The following CDH19 variants were observed in gnomAD, a reference collection of about 807,000 sequenced individuals.
CDH19 encodes the protein cadherin 19.
Under a neutral mutation model 64.2 loss-of-function variants are expected in CDH19, and 67 were observed. That is an observed-to-expected ratio of 1.04 (90% CI 0.86 to 1.28). The LOEUF is 1.28. Among genes scored for constraint, CDH19 ranks in the 50% most tolerant of loss-of-function variants. CDH19 has a pLI of 0.00. For synonymous variants in CDH19, 346 were observed against 319.3 expected (o/e 1.08, Z -0.89); for missense variants, 1,030 against 929.0 (o/e 1.11, Z -1.41).
intron 4 of CDH19, among the ~76,000 whole-genome samples, chr18:66,552,252 AT>A (rs1987370589): frequency 6.6e-6 from 1 of 152,094 alleles, no homozygotes; most frequent in African/African-American, 2.4e-5. Context: ...TGTGAAAAAA[AT>A]GACATATGAG....
At chr18:66,509,279 A>C (rs756183591) in intron 10 of CDH19, 33 bp from the exon 11 acceptor site, 1 of 1,599,244 alleles carries the variant, frequency 6.3e-7, no homozygotes, top group Non-Finnish European at 8.5e-7. Context: ...TAATTTTTTC[A>C]ACTACGTAAG....
chr18:66,561,868 A>G, intron 3 of CDH19, among the ~76,000 whole-genome samples: 1 of 152,100 alleles, frequency 6.6e-6, no homozygotes. Flanking sequence ...TGGACAGTTG[A>G]CATTGTTTGC....
intron 2 of CDH19, among the ~76,000 whole-genome samples, chr18:66,570,412 T>C (rs1195839100): frequency 1.3e-5 from 2 of 151,708 alleles, no homozygotes; most frequent in African/African-American, 4.8e-5. Flanking sequence ...TGTAGTATTA[T>C]ACAATTTTCT....
chr18:66,522,261 A>C lies in CDH19; in HGVS notation c.1458+7584T>G, dbSNP rs558637032. On this transcript the variant is annotated intron_variant, in intron 9 of 11. Transcript: ENST00000262150. The stretch of plus-strand genomic sequence containing the variant: ...CCCAGCCCGGCGTAGTTTTGTTTTG[A>C]GACAGAGTTTCACTCTTGTTACCCA... 2.7e-5 allele frequency among the ~76,000 whole-genome samples: 4 copies of C among 148,022 alleles called. No homozygotes were observed. The South Asian group carries it at 8.6e-4, about 32-fold the overall frequency.
chr18:66,600,559 C>T (rs80165683), intron 1 of CDH19, among the ~76,000 whole-genome samples: 5,791 of 151,842 alleles, frequency 0.038, 380 homozygotes, highest in African/African-American at 0.13. Flanking sequence ...ATGACAACAT[C>T]GCTTTGTATC....
At chr18:66,588,605 C>CATATATATATATAAATATAT (rs1263242803) in intron 1 of CDH19, among the ~76,000 whole-genome samples, 21 of 116,816 alleles carry the variant, frequency 1.8e-4, no homozygotes, top group Non-Finnish European at 3.1e-4. Context: ...TTTTACTAAT[C>CATATATATATATAAATATAT]ATATATATCT....
rs1408785074 is a variant in CDH19 at position 66,505,211 on chromosome 18, T to C, written c.1920A>G (p.Gln640=). ...CTTCTCCACCCCCTTCATCATCATA[T>C]TGGAATATATTCTCTCTGAAATCTT... is the stretch of plus-strand genomic sequence containing the variant. ...KSEDFRENIF[Q]YDDEGGGEED... Residue 640 remains glutamine (Q), a synonymous_variant, in exon 12 of 12, where the codon CAA becomes CAG. Transcript: ENST00000262150. The C allele has an allele frequency of 1.2e-6, 2 of 1,612,422 alleles. No individual in the cohort carries two copies. Among genetic ancestry groups the C allele is most frequent in the African/African-American group, 2.7e-5 (2 of 74,774 alleles).
In CDH19 at chr18:66,545,966, A is replaced by T. The variant is rs528035997; in HGVS notation, c.776-1063T>A. On this transcript the variant is annotated intron_variant, in intron 5 of 11. Coordinates refer to ENST00000262150, the MANE Select transcript of CDH19 (RefSeq NM_021153.4). ...CTGGGCACTTTTTTTTTTATTTTTCAGGAGTAACTTGTGTAAAACTGATAT... is the reference window on the plus strand; with the variant it reads ...CTGGGCACTTTTTTTTTTATTTTTCTGGAGTAACTTGTGTAAAACTGATAT... 2.1e-3 allele frequency among the ~76,000 whole-genome samples: 322 copies of T among 151,572 alleles called. 2 individuals carry two copies. Among genetic ancestry groups the T allele is most frequent in the African/African-American group, 7.4e-3 (307 of 41,282 alleles).
Position 66,568,493 on chromosome 18 carries a change from AC to A in CDH19, c.412del (p.Val138PhefsTer12). 6.2e-7 allele frequency: 1 copy of A among 1,612,290 alleles called. No individual in the cohort carries two copies. Among genetic ancestry groups the A allele is most frequent in the Non-Finnish European group, 8.5e-7 (1 of 1,178,914 alleles). On this transcript the variant is annotated frameshift_variant, in exon 3 of 12. Transcript: ENST00000262150. LOFTEE classifies it high-confidence loss of function. Reference sequence around the variant, plus strand: ...TGGTTCATTGTCATTGATATCCGAAACTTTGATGACAAACTCAGACTCAGGT... The same window carrying A: ...TGGTTCATTGTCATTGATATCCGAAATTTGATGACAAACTCAGACTCAGGT... The part of the protein sequence containing the change: ...VEPESEFVIK[V>X]SDINDNEPKF...
intron 9 of CDH19, among the ~76,000 whole-genome samples, chr18:66,524,569 T>TATATATATATAG (rs1276593665): frequency 7.4e-6 from 1 of 135,164 alleles, no homozygotes; most frequent in Non-Finnish European, 1.6e-5. Context: ...TATATATATA[T>TATATATATATAG]AAACATCATC....
Position 66,504,989 on chromosome 18 carries a change from A to C in CDH19, c.2142T>G (p.Pro714=). 1 of 1,613,572 alleles carries C rather than the reference A, an allele frequency of 6.2e-7. No homozygotes were observed. Among genetic ancestry groups the C allele is most frequent in the Non-Finnish European group, 8.5e-7 (1 of 1,179,734 alleles). Residue 714 remains proline, a synonymous_variant, in exon 12 of 12, where the codon CCT becomes CCG. Coordinates refer to ENST00000262150, the MANE Select transcript of CDH19 (RefSeq NM_021153.4). Reference sequence around the variant, plus strand: ...AAGCGTAGGTCTGGAGGGAATCAAAAGGAGGGGCACACGGATCAGTATTAG... The same window carrying C: ...AAGCGTAGGTCTGGAGGGAATCAAACGGAGGGGCACACGGATCAGTATTAG... The part of the protein sequence containing the change: ...EEANTDPCAP[P]FDSLQTYAFE...
rs1405699309 is a variant in CDH19, at chr18:66,511,700, G to A, written c.1459-15C>T. 1 of 1,244,092 alleles carries A rather than the reference G, an allele frequency of 8.0e-7. No individual in the cohort carries two copies. Among genetic ancestry groups the A allele is most frequent in the Non-Finnish European group, 1.2e-6 (1 of 852,846 alleles). The allele number at this position is 1,244,092 out of a possible 1,614,324, so 77.1% of individuals were successfully genotyped here. ...GTCTGAATTACCTAAAAAAAAAGGG[G>A]GATAGATTTTTGTTGTTGTTTGGAT... On this transcript the variant is annotated splice_polypyrimidine_tract_variant and intron_variant, in intron 9 of 11. Coordinates refer to ENST00000262150, the MANE Select transcript of CDH19 (RefSeq NM_021153.4).
chr18:66,595,506 C>T (rs1376214117), intron 1 of CDH19, among the ~76,000 whole-genome samples: 2 of 128,100 alleles, frequency 1.6e-5, no homozygotes. Context: ...TACCACCGGC[C>T]CCACAGAAAA....
chr18:66,568,646 C>A lies in CDH19; in HGVS notation c.260G>T (p.Gly87Val), dbSNP rs1374669527. The change falls in exon 3 of 12, where the codon GGA becomes GTA. Residue 87 changes from glycine (G) to valine (V), a missense_variant. Coordinates refer to ENST00000262150, the MANE Select transcript of CDH19 (RefSeq NM_021153.4). Reference sequence around the variant, plus strand: ...TCTTTCATCAATGATAAAAGTACTTCCAGCTCCAGCTCCCAAAAGCTTGTA... The same window carrying A: ...TCTTTCATCAATGATAAAAGTACTTACAGCTCCAGCTCCCAAAAGCTTGTA... ...FQYKLLGAGA[G>V]STFIIDERTG... The A allele has an allele frequency of 6.2e-7, 1 of 1,611,256 alleles. No individual in the cohort carries two copies. Among genetic ancestry groups the A allele is most frequent in the East Asian group, 2.2e-5 (1 of 44,808 alleles).
At chr18:66,574,210 G>C (rs1988197259) in intron 1 of CDH19, among the ~76,000 whole-genome samples, 1 of 151,596 alleles carries the variant, frequency 6.6e-6, no homozygotes, top group Non-Finnish European at 1.5e-5. Context: ...TTGTATCACT[G>C]TTGTGTGATT....
intron 9 of CDH19, among the ~76,000 whole-genome samples, chr18:66,517,448 A>T (rs1454979368): frequency 6.6e-6 from 1 of 152,100 alleles, no homozygotes; most frequent in Non-Finnish European, 1.5e-5. Context: ...AAGGCAAATT[A>T]CCCTGATGTC....
At chr18:66,547,963 G>A (rs1052114976) in intron 5 of CDH19, among the ~76,000 whole-genome samples, 7 of 147,936 alleles carry the variant, frequency 4.7e-5, no homozygotes, top group Non-Finnish European at 1.0e-4. Flanking sequence ...CACCGCGCCC[G>A]GCCTAGGTTT....
At chr18:66,597,691 A>C (rs1988937213) in intron 1 of CDH19, among the ~76,000 whole-genome samples, 1 of 152,160 alleles carries the variant, frequency 6.6e-6, no homozygotes. Flanking sequence ...AAATATTTGC[A>C]AACTATTCAT....
intron 3 of CDH19, among the ~76,000 whole-genome samples, 178 bp from the exon 4 acceptor site, chr18:66,554,702 G>T (rs1199313634): frequency 6.6e-6 from 1 of 151,428 alleles, no homozygotes; most frequent in East Asian, 1.9e-4. Flanking sequence ...TTTTTTTCAG[G>T]CAAAAGAATA....
Sources: gnomAD v4.1 joint callset for allele counts (sites outside exome capture counted in the v4.1 genomes callset) on GRCh38, gnomAD v4.1.1 for gene constraint, MANE v1.5 for transcripts, NCBI Gene and HGNC (gene_info 2026-07-23, HGNC 2026-07-21) for gene names.